Variants in VPS35L observed in about 807,000 individuals in gnomAD.
The protein encoded by VPS35L is VPS35 endosomal protein sorting factor like.
Under a neutral mutation model 133.0 loss-of-function variants are expected in VPS35L, and 83 were observed. That is an observed-to-expected ratio of 0.62 (90% CI 0.52 to 0.75). VPS35L has a LOEUF of 0.75. Ranked by LOEUF, VPS35L falls within the 30% of genes least tolerant of loss-of-function variation. VPS35L has a pLI of 0.00. For synonymous variants in VPS35L, 423 were observed against 449.9 expected, an observed-to-expected ratio of 0.94 and a Z score of 0.76; for missense variants, 1,083 against 1,206.8, an observed-to-expected ratio of 0.90 and a Z score of 1.52.
rs184220642 is a variant in VPS35L, at chr16:19,668,358, A to G, written c.2222-802A>G. ...ACGGTCAATACCTTGGCAGTTTTAG[A>G]AAGAACTTTCACTCCCTCTCCGTCT... On this transcript the variant is annotated intron_variant, in intron 26 of 30. Coordinates refer to ENST00000417362, the MANE Select transcript of VPS35L (RefSeq NM_020314.7). 1.5e-3 allele frequency among the ~76,000 whole-genome samples: 221 copies of G among 152,118 alleles called. 1 individual carries two copies. Among genetic ancestry groups the G allele is most frequent in the Middle Eastern group, 6.8e-3 (2 of 294 alleles).
chr16:19,604,890 C>T (rs553424379), intron 9 of VPS35L, among the ~76,000 whole-genome samples: 5 of 152,202 alleles, frequency 3.3e-5, no homozygotes, highest in African/African-American at 1.2e-4. Flanking sequence ...CATTTTTTCC[C>T]AACAGTTCTT....
chr16:19,564,994 T>C, intron 2 of VPS35L, 44 bp downstream of exon 2: 2 of 1,420,010 alleles, frequency 1.4e-6, no homozygotes, highest in Non-Finnish European at 2.0e-6. Context: ...TCTTATCCCT[T>C]GAAATGAAAG....
intron 29 of VPS35L, among the ~76,000 whole-genome samples, chr16:19,692,677 C>T (rs1338994787): frequency 6.6e-6 from 1 of 152,186 alleles, no homozygotes; most frequent in Non-Finnish European, 1.5e-5. Flanking sequence ...GATTCTCCTG[C>T]CTCAGCCTCC....
chr16:19,652,367 G>A (rs1974160319), intron 26 of VPS35L: 2 of 280,232 alleles, frequency 7.1e-6, no homozygotes. Flanking sequence ...ATGGAGTTTC[G>A]TTTTGTTGCC....
In VPS35L at chr16:19,594,609, A is replaced by T. The variant is rs532875290; in HGVS notation, c.724+2735A>T. On this transcript the variant is annotated intron_variant, in intron 8 of 30. Coordinates refer to ENST00000417362, the MANE Select transcript of VPS35L (RefSeq NM_020314.7). ...CAGCGAGCTGAGATCGCGCTGCTGCACTCCAGCCTGTGCCACAGAGCTGAG... is the reference window on the plus strand; with the variant it reads ...CAGCGAGCTGAGATCGCGCTGCTGCTCTCCAGCCTGTGCCACAGAGCTGAG... Among the ~76,000 whole-genome samples, 3 of 123,398 alleles carry T rather than the reference A, an allele frequency of 2.4e-5. No individual in the cohort carries two copies. The South Asian group carries it at 8.1e-4, about 33-fold the overall frequency. The allele number at this position is 123,398 out of a possible 152,430, so 81.0% of individuals were successfully genotyped here.
chr16:19,694,524 CTG>C (rs1208451551), intron 29 of VPS35L: 4 of 151,230 alleles, frequency 2.6e-5, no homozygotes, highest in Non-Finnish European at 4.4e-5. Context: ...GGGTCTTACT[CTG>C]TCATCCAGGC....
At chr16:19,566,639 A>C (rs1351662575) in intron 2 of VPS35L, among the ~76,000 whole-genome samples, 1 of 152,214 alleles carries the variant, frequency 6.6e-6, no homozygotes, top group Non-Finnish European at 1.5e-5. Flanking sequence ...AGATTTATGG[A>C]CACAAAAAGG....
Position 19,581,673 on chromosome 16 carries a change from C to G in VPS35L, c.639+20C>G. On this transcript the variant is annotated intron_variant, in intron 7 of 30. Coordinates refer to ENST00000417362, the MANE Select transcript of VPS35L (RefSeq NM_020314.7). Reference sequence around the variant, plus strand: ...ATCCAGGTTAGCTCTAGTGATCCCCCACCCCCACCCAGAATTTCCTATGTA... The same window carrying G: ...ATCCAGGTTAGCTCTAGTGATCCCCGACCCCCACCCAGAATTTCCTATGTA... 6.2e-7 allele frequency: 1 copy of G among 1,605,632 alleles called. No individual in the cohort carries two copies. Among genetic ancestry groups the G allele is most frequent in the Non-Finnish European group, 8.5e-7 (1 of 1,174,004 alleles).
intron 7 of VPS35L, 50 bp downstream of exon 7, chr16:19,581,703 T>A: frequency 6.3e-7 from 1 of 1,582,258 alleles, no homozygotes; most frequent in Non-Finnish European, 8.6e-7. Flanking sequence ...TATGTAAAAT[T>A]CCACTGTGAG....
intron 9 of VPS35L, among the ~76,000 whole-genome samples, chr16:19,602,141 T>C (rs1206633699): frequency 6.6e-6 from 1 of 152,156 alleles, no homozygotes; most frequent in Non-Finnish European, 1.5e-5. Flanking sequence ...GAATTCACAA[T>C]CTATACCCAA....
At chr16:19,697,798 A>C (rs537913461) in intron 29 of VPS35L, among the ~76,000 whole-genome samples, 1 of 152,332 alleles carries the variant, frequency 6.6e-6, no homozygotes, top group African/African-American at 2.4e-5. Flanking sequence ...ATTCCTGATA[A>C]GATGCGACCC....
chr16:19,612,106 T>C lies in VPS35L; in HGVS notation c.1023+1691T>C, dbSNP rs561966605. ...GGTGTGCGCTACCACGCCCAGCTAA[T>C]TTTCGTATTTTTAGTAGAGACGGGG... On this transcript the variant is annotated intron_variant, in intron 12 of 30. Transcript: ENST00000417362. Among the ~76,000 whole-genome samples the C allele has an allele frequency of 3.3e-5, 5 of 151,526 alleles. No homozygotes were observed. The South Asian group carries it at 1.0e-3, about 32-fold the overall frequency.
At chr16:19,603,481 G>A (rs1972450076) in intron 9 of VPS35L, among the ~76,000 whole-genome samples, 1 of 152,160 alleles carries the variant, frequency 6.6e-6, no homozygotes, top group Admixed American at 6.6e-5. Flanking sequence ...TGGATGAATC[G>A]GGTAAAGTAC....
chr16:19,591,995 A>C (rs1424848649), intron 8 of VPS35L, 121 bp downstream of exon 8: 1 of 756,842 alleles, frequency 1.3e-6, no homozygotes, highest in Non-Finnish European at 2.3e-6. Context: ...AAGTCATGGG[A>C]GAGATCAAAC....
At chr16:19,654,342 CCACTAGGACAGGCACGTGTCCT>C (rs72102683) in intron 26 of VPS35L, among the ~76,000 whole-genome samples, 7,338 of 151,964 alleles carry the variant, frequency 0.048, 581 homozygotes, top group African/African-American at 0.16. Flanking sequence ...CCCCCTCTCC[CCACTAGGACAGGCACGTGTCCT>C]CACTAGGACA....
At chr16:19,582,804 TTCATCAACTCCACATCTGGCTA>T (rs533969631) in intron 7 of VPS35L, among the ~76,000 whole-genome samples, 1 of 152,338 alleles carries the variant, frequency 6.6e-6, no homozygotes, top group Non-Finnish European at 1.5e-5. Context: ...TTAAGTGTGT[TTCATCAACTCCACATCTGGCTA>T]ATAGTAACGA....
At chr16:19,622,698 T>A (rs1196569338) in intron 14 of VPS35L, among the ~76,000 whole-genome samples, 2 of 152,182 alleles carry the variant, frequency 1.3e-5, no homozygotes, top group African/African-American at 4.8e-5. Context: ...AGTGTCAGTG[T>A]GATGATTACA....
At chr16:19,630,777 G>A (rs1224420536) in intron 18 of VPS35L, among the ~76,000 whole-genome samples, 1 of 151,966 alleles carries the variant, frequency 6.6e-6, no homozygotes, top group African/African-American at 2.4e-5. Flanking sequence ...TTATGAAGGA[G>A]ATTAATGCCC....
chr16:19,659,261 T>C (rs997697257), intron 26 of VPS35L, among the ~76,000 whole-genome samples: 2 of 152,142 alleles, frequency 1.3e-5, no homozygotes, highest in Non-Finnish European at 2.9e-5. Flanking sequence ...TGTCATCCTG[T>C]AGTATCTCCG....
Sources: allele counts gnomAD v4.1 joint callset (sites outside exome capture counted in the v4.1 genomes callset), GRCh38; gene constraint gnomAD v4.1.1; transcripts MANE v1.5; gene names NCBI Gene and HGNC (gene_info 2026-07-23, HGNC 2026-07-21).